Variants in DNAAF10 observed in about 807,000 individuals in gnomAD.
DNAAF10 encodes the protein WD repeat domain 92.
In DNAAF10, 28 loss-of-function variants were observed where a neutral mutation model predicts 43.7. The observed-to-expected ratio is 0.64, with a 90% CI of 0.48 to 0.88. DNAAF10 has a LOEUF of 0.88. Among genes scored for constraint, DNAAF10 ranks in the 40% least tolerant of loss-of-function variants. DNAAF10 has a pLI of 0.00. For synonymous variants in DNAAF10, 156 were observed against 157.3 expected (o/e 0.99, Z 0.06); for missense variants, 403 against 439.1 (o/e 0.92, Z 0.73).
intron 1 of DNAAF10, among the ~76,000 whole-genome samples, chr2:68,148,081 C>T (rs1197160412): frequency 6.6e-6 from 1 of 152,088 alleles, no homozygotes; most frequent in African/African-American, 2.4e-5. Context: ...TATGGATCAG[C>T]CAATCTTTTG....
chr2:68,134,963 G>C (rs1202940947), intron 6 of DNAAF10, among the ~76,000 whole-genome samples, 164 bp from the exon 7 acceptor site: 1 of 152,048 alleles, frequency 6.6e-6, no homozygotes, highest in East Asian at 1.9e-4. Context: ...AGATTTATAG[G>C]AACACATAAG....
At chr2:68,149,411 T>A (rs1461836881) in intron 1 of DNAAF10, among the ~76,000 whole-genome samples, 1 of 152,202 alleles carries the variant, frequency 6.6e-6, no homozygotes, top group Non-Finnish European at 1.5e-5. Context: ...AAAGACCCTA[T>A]TGATGAGAAG....
intron 3 of DNAAF10, among the ~76,000 whole-genome samples, chr2:68,143,711 A>G (rs1424019947): frequency 6.6e-6 from 1 of 152,240 alleles, no homozygotes; most frequent in Non-Finnish European, 1.5e-5. Flanking sequence ...CATTAAATAA[A>G]AAAAGTTTCT....
At chr2:68,145,812 T>C (rs7561627) in intron 2 of DNAAF10, among the ~76,000 whole-genome samples, 6,270 of 152,300 alleles carry the variant, frequency 0.041, 370 homozygotes, top group African/African-American at 0.13. Context: ...TCTCCATTTC[T>C]CCCCTTCTTT....
At chr2:68,139,581 C>T (rs1207927453) in intron 4 of DNAAF10, among the ~76,000 whole-genome samples, 1 of 148,050 alleles carries the variant, frequency 6.8e-6, no homozygotes, top group Non-Finnish European at 1.5e-5. Flanking sequence ...TATAGGAGAT[C>T]GAGACCATCC....
intron 1 of DNAAF10, among the ~76,000 whole-genome samples, chr2:68,152,939 G>C (rs1425249198): frequency 2.6e-5 from 4 of 152,186 alleles, no homozygotes; most frequent in Non-Finnish European, 4.4e-5. Context: ...AGTAAATTCG[G>C]TAGCACAGGG....
intron 2 of DNAAF10, 122 bp downstream of exon 2, chr2:68,147,345 A>T (rs1166504884): frequency 1.5e-6 from 1 of 673,894 alleles, no homozygotes; most frequent in East Asian, 3.0e-5. Context: ...TCATATTTTT[A>T]TAGTTAAAAT....
chr2:68,137,098 T>C (rs566954993), intron 6 of DNAAF10, among the ~76,000 whole-genome samples: 4 of 152,344 alleles, frequency 2.6e-5, no homozygotes, highest in Non-Finnish European at 5.9e-5. Flanking sequence ...GAGATCTTTA[T>C]TATAATCAAG....
chr2:68,149,463 A>G (rs1673402558), intron 1 of DNAAF10, among the ~76,000 whole-genome samples: 1 of 152,200 alleles, frequency 6.6e-6, no homozygotes, highest in Non-Finnish European at 1.5e-5. Flanking sequence ...GCACAAGTGG[A>G]CTGAGATGGC....
chr2:68,140,396 A>G lies in DNAAF10; in HGVS notation c.517+1298T>C, dbSNP rs894675521. On this transcript the variant is annotated intron_variant, in intron 4 of 7. Transcript: ENST00000295121. ...TATAATTTTTTCAATTAATACCATC[A>G]TTCACCCCACAATCAGCCTGAAAAC... 3.3e-5 allele frequency among the ~76,000 whole-genome samples: 5 copies of G among 152,302 alleles called. No individual in the cohort carries two copies. The South Asian group carries it at 8.3e-4, about 25-fold the overall frequency.
At chr2:68,150,447 C>T (rs190375751) in intron 1 of DNAAF10, among the ~76,000 whole-genome samples, 18 of 152,272 alleles carry the variant, frequency 1.2e-4, no homozygotes, top group Non-Finnish European at 2.5e-4. Context: ...GTTAAAAAAA[C>T]TTGGACTGTG....
chr2:68,131,575 T>C, intron 7 of DNAAF10, 130 bp from the exon 8 acceptor site: 1 of 849,852 alleles, frequency 1.2e-6, no homozygotes, highest in Middle Eastern at 3.5e-4. Context: ...AGAATCTTTC[T>C]AATACTGAGT....
intron 6 of DNAAF10, among the ~76,000 whole-genome samples, chr2:68,136,538 C>T (rs1168141916): frequency 6.6e-6 from 1 of 152,164 alleles, no homozygotes; most frequent in Non-Finnish European, 1.5e-5. Context: ...GGAGTAAGTT[C>T]TCACTTCCTG....
At chr2:68,150,937 A>G (rs1352890373) in intron 1 of DNAAF10, among the ~76,000 whole-genome samples, 3 of 152,158 alleles carry the variant, frequency 2.0e-5, no homozygotes, top group Non-Finnish European at 4.4e-5. Context: ...TGTTCCAAAA[A>G]CAGCACTGCA....
intron 6 of DNAAF10, among the ~76,000 whole-genome samples, chr2:68,135,260 T>C (rs571149730): frequency 5.9e-5 from 9 of 152,300 alleles, no homozygotes; most frequent in Admixed American, 2.6e-4. Context: ...AATAAGTACA[T>C]AGACTGAATT....
chr2:68,150,749 TA>T (rs200028620), intron 1 of DNAAF10, among the ~76,000 whole-genome samples: 6,184 of 151,718 alleles, frequency 0.041, 358 homozygotes, highest in African/African-American at 0.13. Flanking sequence ...TAAAATAAAA[TA>T]AAAAAATAAA....
At chr2:68,149,350 C>A (rs1475276223) in intron 1 of DNAAF10, among the ~76,000 whole-genome samples, 1 of 152,150 alleles carries the variant, frequency 6.6e-6, no homozygotes, top group Non-Finnish European at 1.5e-5. Context: ...TCATACCTTC[C>A]TCAGAATTGT....
intron 6 of DNAAF10, 89 bp from the exon 7 acceptor site, chr2:68,134,888 T>A: frequency 7.1e-7 from 1 of 1,405,686 alleles, no homozygotes; most frequent in Non-Finnish European, 9.9e-7. Context: ...CTTACAACTA[T>A]AATTTCAATG....
intron 7 of DNAAF10, among the ~76,000 whole-genome samples, chr2:68,132,386 A>C (rs981490680): frequency 1.3e-5 from 2 of 152,240 alleles, no homozygotes; most frequent in African/African-American, 4.8e-5. Context: ...AATCATTTTG[A>C]TGAAAAAAAA....
Sources: allele counts gnomAD v4.1 joint callset (sites outside exome capture counted in the v4.1 genomes callset), GRCh38; gene constraint gnomAD v4.1.1; transcripts MANE v1.5; gene names NCBI Gene and HGNC (gene_info 2026-07-23, HGNC 2026-07-21).